Variants in SLC39A10 observed in about 807,000 individuals in gnomAD.
The protein encoded by SLC39A10 is zinc transporter ZIP10.
In SLC39A10, 13 loss-of-function variants were observed where a neutral mutation model predicts 65.1. The ratio of observed to expected loss-of-function variants is 0.20; its 90% CI spans 0.13 to 0.32. The LOEUF (loss-of-function observed/expected upper bound fraction) is 0.32, where lower values mean the gene tolerates loss of function less well. Ranked by LOEUF, SLC39A10 falls within the 10% of genes least tolerant of loss-of-function variation. The pLI, the probability that SLC39A10 is intolerant of heterozygous loss-of-function variation, is 1.00. For synonymous variants in SLC39A10, 321 were observed against 342.2 expected, an observed-to-expected ratio of 0.94 and a Z score of 0.68; for missense variants, 831 against 1,018.4, an observed-to-expected ratio of 0.82 and a Z score of 2.50.
At chr2:195,629,255 G>A (rs1300813631) in intron 2 of SLC39A10, among the ~76,000 whole-genome samples, 3 of 152,032 alleles carry the variant, frequency 2.0e-5, no homozygotes, top group Non-Finnish European at 4.4e-5. Context: ...TTAGCCAGAT[G>A]TGGTGGCGGG....
chr2:195,661,408 GTATT>G (rs1260632652), intron 1 of SLC39A10, among the ~76,000 whole-genome samples: 1 of 152,140 alleles, frequency 6.6e-6, no homozygotes, highest in African/African-American at 2.4e-5. Context: ...ATAATAGTAT[GTATT>G]TATTTATATA....
chr2:195,710,757 A>G (rs941423892), intron 5 of SLC39A10, among the ~76,000 whole-genome samples: 1 of 152,364 alleles, frequency 6.6e-6, no homozygotes, highest in South Asian at 2.1e-4. Flanking sequence ...AAGAAGAATG[A>G]TAAAAGGAAC....
chr2:195,713,616 T>G (rs1253343864), intron 6 of SLC39A10, 63 bp downstream of exon 6: 2 of 1,466,422 alleles, frequency 1.4e-6, no homozygotes, highest in Non-Finnish European at 1.8e-6. Context: ...CAAATTTACA[T>G]TTAATTTCTA....
rs150612732 is a variant in SLC39A10, at chr2:195,679,168, A to G, written c.-11-864A>G. 5.8e-3 allele frequency among the ~76,000 whole-genome samples: 876 copies of G among 152,322 alleles called. 8 individuals carry two copies. The highest frequency in any genetic ancestry group is 0.02 in the African/African-American group (845 of 41,566). On this transcript the variant is annotated intron_variant, in intron 1 of 9. Coordinates refer to ENST00000359634, the MANE Select transcript of SLC39A10 (RefSeq NM_020342.3). ...AGTGGTGGCTACCATTGAATTGGACAGTTCTGGACACTTTATCATTTTAGC... is the reference window on the plus strand; with the variant it reads ...AGTGGTGGCTACCATTGAATTGGACGGTTCTGGACACTTTATCATTTTAGC...
intron 3 of SLC39A10, among the ~76,000 whole-genome samples, chr2:195,698,427 A>G (rs1037898556): frequency 2.6e-5 from 4 of 152,046 alleles, no homozygotes; most frequent in Non-Finnish European, 4.4e-5. Flanking sequence ...TTTGTCTTTC[A>G]CCATTGAGTA....
At chr2:195,654,992 A>G (rs1240516306), upstream of SLC39A10, among the ~76,000 whole-genome samples, 1 of 152,224 alleles carries the variant, frequency 6.6e-6, no homozygotes, top group African/African-American at 2.4e-5. Context: ...GTGAGTTTAA[A>G]AAGTGTTAGG....
At chr2:195,708,395 AT>A (rs1691484851) in intron 4 of SLC39A10, among the ~76,000 whole-genome samples, 2 of 152,134 alleles carry the variant, frequency 1.3e-5, no homozygotes, top group African/African-American at 4.8e-5. Flanking sequence ...TTCTGGCTTG[AT>A]TCTCTCACTG....
intron 8 of SLC39A10, among the ~76,000 whole-genome samples, chr2:195,726,876 A>G (rs531680200): frequency 6.6e-6 from 1 of 152,330 alleles, no homozygotes; most frequent in Admixed American, 6.5e-5. Context: ...CGCACCTTGC[A>G]TATGCTGAGT....
At chr2:195,617,528 C>G (rs536611457) in intron 2 of SLC39A10, among the ~76,000 whole-genome samples, 7 of 151,846 alleles carry the variant, frequency 4.6e-5, no homozygotes, top group Admixed American at 4.6e-4. Context: ...TGCCACTGTA[C>G]TCCAGCCTGG....
intron 1 of SLC39A10, among the ~76,000 whole-genome samples, chr2:195,666,014 T>C (rs1689622350): frequency 6.6e-6 from 1 of 152,218 alleles, no homozygotes; most frequent in Non-Finnish European, 1.5e-5. Flanking sequence ...TGCACAACTT[T>C]GTTTTTTCTG....
At chr2:195,629,891 C>T (rs1185744916) in intron 2 of SLC39A10, among the ~76,000 whole-genome samples, 1 of 151,954 alleles carries the variant, frequency 6.6e-6, no homozygotes, top group Non-Finnish European at 1.5e-5. Flanking sequence ...CCATGCCTGG[C>T]TATTTTTTAT....
In SLC39A10 at chr2:195,700,581, T is replaced by G. The variant is rs371743038; in HGVS notation, c.1217-6035T>G. On this transcript the variant is annotated intron_variant, in intron 3 of 9. Transcript: ENST00000359634. The stretch of plus-strand genomic sequence containing the variant: ...GTCCTTTCCCCTTGAAGGACTCTCT[T>G]ATTTCTTACAGGGCAAGTCTAGTGG... Among the ~76,000 whole-genome samples, 108 of 152,316 alleles carry G rather than the reference T, an allele frequency of 7.1e-4. 2 individuals carry two copies. The South Asian group carries it at 0.019, about 27-fold the overall frequency.
rs1385967524 is a variant in SLC39A10, at chr2:195,680,589, C to T, written c.547C>T (p.Arg183Cys). Residue 183 changes from arginine to cysteine, a missense_variant, in exon 2 of 10, where the codon CGT (arginine) becomes TGT (cysteine). By Grantham distance (180) the Arg-to-Cys change is radical. This residue lies in a region of SLC39A10 where 446 missense variants were observed against 499.2 expected (regional missense o/e 0.89). Coordinates refer to ENST00000359634, the MANE Select transcript of SLC39A10 (RefSeq NM_020342.3). ...TAATCACCGCCTACGTCATCACCAT[C>T]GTTTGCATCATCATCTTGATCATAA... ...DHNHRLRHHH[R>C]LHHHLDHNNT... 2.5e-6 allele frequency: 4 copies of T among 1,613,994 alleles called. No individual in the cohort carries two copies. The highest frequency in any genetic ancestry group is 2.2e-5 in the East Asian group (1 of 44,890).
chr2:195,704,520 T>C (rs530000697), intron 3 of SLC39A10, among the ~76,000 whole-genome samples: 1 of 152,312 alleles, frequency 6.6e-6, no homozygotes, highest in South Asian at 2.1e-4. Context: ...AATAACTTTA[T>C]TGGCTCTAAG....
At chr2:195,617,947 G>A (rs144734564) in intron 2 of SLC39A10, among the ~76,000 whole-genome samples, 3,098 of 148,060 alleles carry the variant, frequency 0.021, 46 homozygotes, top group Middle Eastern at 0.071. Context: ...CACCATGTTA[G>A]CCAGGATGGT....
Position 195,683,773 on chromosome 2 carries a change from A to G in SLC39A10, c.1083A>G (p.Thr361=), listed in dbSNP as rs1413972583. 6.2e-7 allele frequency: 1 copy of G among 1,613,456 alleles called. No individual in the cohort carries two copies. The highest frequency in any genetic ancestry group is 1.7e-5 in the Admixed American group (1 of 60,012). The stretch of plus-strand genomic sequence containing the variant: ...CTCCCATCTCAACTGATTTATTTAC[A>G]TACCTTTGCCCTGCATTGTTATATC... ...ANSPISTDLF[T]YLCPALLYQI... Residue 361 remains threonine, a synonymous_variant, in exon 3 of 10, where the codon ACA becomes ACG. Transcript: ENST00000359634.
Position 195,670,889 on chromosome 2 carries a change from G to A in SLC39A10, c.-11-9143G>A, listed in dbSNP as rs575886786. Reference sequence around the variant, plus strand: ...GTGTTACTGATTTTACTAATTGAAGGTTGGAATAAACTTCATGTGGGGAAT... The same window carrying A: ...GTGTTACTGATTTTACTAATTGAAGATTGGAATAAACTTCATGTGGGGAAT... On this transcript the variant is annotated intron_variant, in intron 1 of 9. Coordinates refer to ENST00000359634, the MANE Select transcript of SLC39A10 (RefSeq NM_020342.3). Among the ~76,000 whole-genome samples the A allele has an allele frequency of 2.6e-5, 4 of 152,292 alleles. No individual in the cohort carries two copies. In the South Asian group the frequency reaches 8.3e-4, roughly 32 times the overall value.
At chr2:195,705,903 A>G (rs1438374118) in intron 3 of SLC39A10, among the ~76,000 whole-genome samples, 2 of 151,892 alleles carry the variant, frequency 1.3e-5, no homozygotes, top group Admixed American at 6.6e-5. Flanking sequence ...CACCATACCT[A>G]TTTTTCTTTA....
chr2:195,638,832 G>T (rs1688744463), intron 2 of SLC39A10, among the ~76,000 whole-genome samples: 1 of 151,952 alleles, frequency 6.6e-6, no homozygotes, highest in Admixed American at 6.6e-5. Flanking sequence ...TTTATCAAAG[G>T]TCATTTTTCC....
Sources: allele counts gnomAD v4.1 joint callset (sites outside exome capture counted in the v4.1 genomes callset), GRCh38; gene constraint gnomAD v4.1.1; regional missense constraint gnomAD v4.1.1; transcripts MANE v1.5; gene names NCBI Gene and HGNC (gene_info 2026-07-23, HGNC 2026-07-21).